Variants in TRPM7 observed in about 807,000 individuals in gnomAD.
TRPM7 encodes LTRPC ion channel family member 7.
TRPM7 carries 134 observed loss-of-function variants against 229.7 expected under a neutral mutation model. The ratio of observed to expected loss-of-function variants is 0.58; its 90% CI spans 0.51 to 0.67. The LOEUF (loss-of-function observed/expected upper bound fraction) is 0.67. Among genes scored for constraint, TRPM7 ranks in the 30% least tolerant of loss-of-function variants. The pLI is 0.00. For synonymous variants in TRPM7, 699 were observed against 715.2 expected (o/e 0.98, Z 0.36); for missense variants, 1,901 against 2,210.0 (o/e 0.86, Z 2.80).
Position 50,653,450 on chromosome 15 carries a change from T to C in TRPM7, c.122+4331A>G, listed in dbSNP as rs994299041. Among the ~76,000 whole-genome samples, 11 of 152,170 alleles carry C rather than the reference T, an allele frequency of 7.2e-5. 1 individual carries two copies. The highest frequency in any genetic ancestry group is 6.6e-4 in the Admixed American group (10 of 15,258). On this transcript the variant is annotated intron_variant, in intron 3 of 38. Transcript: ENST00000646667. ...AAGTCTTGTGATTCATTCTAGCTAA[T>C]CATGGAATCTAGGTGTGGTCTCGGA...
chr15:50,630,939 G>C (rs1014777268), intron 10 of TRPM7, among the ~76,000 whole-genome samples: 1 of 151,966 alleles, frequency 6.6e-6, no homozygotes, highest in African/African-American at 2.4e-5. Flanking sequence ...AGGATCAGGT[G>C]ATTCCACCTC....
chr15:50,594,263 A>G (rs887047325), intron 24 of TRPM7, among the ~76,000 whole-genome samples, 166 bp downstream of exon 24: 1 of 152,244 alleles, frequency 6.6e-6, no homozygotes, highest in Admixed American at 6.5e-5. Context: ...ATTTTTATAG[A>G]TATCATATTG....
chr15:50,656,312 T>C (rs1477068945), intron 3 of TRPM7, among the ~76,000 whole-genome samples: 1 of 152,062 alleles, frequency 6.6e-6, no homozygotes, highest in Non-Finnish European at 1.5e-5. Flanking sequence ...TTTGTTTTTT[T>C]TTCTGGAGAC....
At chr15:50,568,094 A>G (rs1420531875) in intron 38 of TRPM7, among the ~76,000 whole-genome samples, 1 of 136,062 alleles carries the variant, frequency 7.3e-6, no homozygotes, top group African/African-American at 2.7e-5. Context: ...AAAAAAAAAA[A>G]GAGCGAGACT....
Position 50,605,015 on chromosome 15 carries a change from A to G in TRPM7, c.2839T>C (p.Trp947Arg). The change falls in exon 21 of 39, where the codon TGG becomes CGG. Residue 947 changes from tryptophan (W) to arginine (R), a missense_variant. Trp to Arg is a moderately radical substitution (Grantham distance 101). Around this residue, in one of 8 missense-constraint regions of TRPM7, gnomAD observed 207 missense variants for 241.5 expected, o/e 0.86. Coordinates refer to ENST00000646667, the MANE Select transcript of TRPM7 (RefSeq NM_017672.6). ...TTATCATATGCATTTGCAAAGTTCC[A>G]TTTTGCTCCAAATCTTAGTCCAAAT... ...IGFGLRFGAK[W>R]NFANAYDNHV... The G allele has an allele frequency of 6.2e-7, 1 of 1,613,928 alleles. No individual in the cohort carries two copies. The highest frequency in any genetic ancestry group is 8.5e-7 in the Non-Finnish European group (1 of 1,179,918).
chr15:50,673,649 T>TAC (rs1555434985), intron 1 of TRPM7, among the ~76,000 whole-genome samples: 143 of 152,036 alleles, frequency 9.4e-4, no homozygotes, highest in Non-Finnish European at 1.9e-3. Context: ...TATATATATA[T>TAC]ACCACAGTTT....
intron 19 of TRPM7, among the ~76,000 whole-genome samples, chr15:50,609,036 C>T (rs781130608): frequency 6.6e-6 from 1 of 152,168 alleles, no homozygotes; most frequent in African/African-American, 2.4e-5. Context: ...TGCTCTTTAA[C>T]CTGCTAGTAA....
intron 1 of TRPM7, among the ~76,000 whole-genome samples, chr15:50,685,728 G>T (rs1051392877): frequency 1.3e-5 from 2 of 152,000 alleles, no homozygotes; most frequent in Admixed American, 1.3e-4. Flanking sequence ...TTCAAAATTG[G>T]TTCCTGATAT....
At position 50,634,535 on chromosome 15, in the gene TRPM7, A is replaced by G; in HGVS notation, c.854T>C (p.Val285Ala). ...IHARIGQGVP[V>A]VALIFEGGPN... ...CCCACCCTCAAATATAAGTGCCACCACAGGGACACCCTGGCCAATCCCTAA... is the reference window on the plus strand; with the variant it reads ...CCCACCCTCAAATATAAGTGCCACCGCAGGGACACCCTGGCCAATCCCTAA... The change falls in exon 8 of 39, where the codon GTG (valine) becomes GCG (alanine). Residue 285 changes from valine to alanine, a missense_variant. This residue lies in a region of TRPM7 where 794 missense variants were observed against 881.9 expected (regional missense o/e 0.90). Transcript: ENST00000646667. 1.3e-6 allele frequency: 2 copies of G among 1,506,228 alleles called. No homozygotes were observed. Among genetic ancestry groups the G allele is most frequent in the Non-Finnish European group, 1.8e-6 (2 of 1,131,072 alleles). The allele number at this position is 1,506,228 out of a possible 1,614,324, so 93.3% of individuals were successfully genotyped here. A position where few individuals can be genotyped will look rare whatever the true frequency, so the allele number is the denominator to read the frequency against.
At chr15:50,647,011 C>T (rs939805367) in intron 4 of TRPM7, among the ~76,000 whole-genome samples, 5 of 152,204 alleles carry the variant, frequency 3.3e-5, no homozygotes, top group African/African-American at 4.8e-5. Context: ...ATACACTCTA[C>T]GGTGTTAGCA....
Position 50,574,280 on chromosome 15 carries a change from A to G in TRPM7, c.5302T>C (p.Leu1768=). ...AATATTTTAATAAATTTACCTTGCA[A>G]ATCAAGTACCAGTAACTCCCCTCTT... ...YTRGELLVLD[L]QGVGENLTDP... is the part of the protein sequence containing the mutation. The change falls in exon 36 of 39, where the codon TTG becomes CTG. Residue 1768 remains leucine (L), a synonymous_variant. Transcript: ENST00000646667. The G allele has an allele frequency of 5.0e-6, 8 of 1,613,352 alleles. No individual in the cohort carries two copies. The highest frequency in any genetic ancestry group is 6.8e-6 in the Non-Finnish European group (8 of 1,179,356).
At chr15:50,671,938 C>A (rs934467930) in intron 1 of TRPM7, among the ~76,000 whole-genome samples, 2 of 152,056 alleles carry the variant, frequency 1.3e-5, no homozygotes, top group Non-Finnish European at 2.9e-5. Flanking sequence ...ATGGCATATA[C>A]AACTATGTAC....
intron 28 of TRPM7, among the ~76,000 whole-genome samples, chr15:50,583,680 G>A (rs1280441322): frequency 6.6e-6 from 1 of 151,038 alleles, no homozygotes; most frequent in Non-Finnish European, 1.5e-5. Context: ...GAGTTCAAGC[G>A]ATTCTCCTGC....
chr15:50,576,053 G>C (rs2054115736), intron 31 of TRPM7, 134 bp from the exon 32 acceptor site: 1 of 825,028 alleles, frequency 1.2e-6, no homozygotes, highest in South Asian at 1.8e-5. Flanking sequence ...AAAAATTAGG[G>C]ATAAAATATG....
rs552276821 is a variant in TRPM7 at position 50,642,684 on chromosome 15, G to C, written c.535+656C>G. The stretch of plus-strand genomic sequence containing the variant: ...GGCTCCCTAGTCATGCTGAACTGTG[G>C]GTCAATTAAACCTCTTTCCTTTATA... On this transcript the variant is annotated intron_variant, in intron 5 of 38. Coordinates refer to ENST00000646667, the MANE Select transcript of TRPM7 (RefSeq NM_017672.6). Among the ~76,000 whole-genome samples, 4 of 152,148 alleles carry C rather than the reference G, an allele frequency of 2.6e-5. No homozygotes were observed. In the East Asian group the frequency reaches 7.7e-4, roughly 29 times the overall value.
chr15:50,621,003 C>CA (rs1255438046), intron 12 of TRPM7, among the ~76,000 whole-genome samples: 3 of 151,696 alleles, frequency 2.0e-5, no homozygotes, highest in Non-Finnish European at 4.4e-5. Context: ...ACTAAAAATA[C>CA]AAAAAATTAG....
At chr15:50,620,884 A>T (rs1469711044) in intron 12 of TRPM7, among the ~76,000 whole-genome samples, 1 of 151,760 alleles carries the variant, frequency 6.6e-6, no homozygotes, top group African/African-American at 2.4e-5. Context: ...GTAAGCCGAG[A>T]TCGCGTCATT....
chr15:50,583,976 A>G (rs2054559186), intron 28 of TRPM7, among the ~76,000 whole-genome samples: 1 of 152,168 alleles, frequency 6.6e-6, no homozygotes, highest in African/African-American at 2.4e-5. Flanking sequence ...ACAAACTCCT[A>G]CTGATGGAAA....
chr15:50,614,027 T>C (rs1228310540), intron 14 of TRPM7, 96 bp downstream of exon 14: 73 of 1,373,414 alleles, frequency 5.3e-5, no homozygotes, highest in Non-Finnish European at 6.8e-5. Context: ...TTTATGACAG[T>C]GTAACCTTCT....
Sources: gnomAD v4.1 joint callset for allele counts (sites outside exome capture counted in the v4.1 genomes callset) on GRCh38, gnomAD v4.1.1 for gene constraint, gnomAD v4.1.1 regional missense constraint, MANE v1.5 for transcripts, NCBI Gene and HGNC (gene_info 2026-07-23, HGNC 2026-07-21) for gene names.